The following CLCN1 variants were observed in gnomAD, a reference collection of about 807,000 sequenced individuals.
CLCN1 encodes the protein chloride voltage-gated channel 1.
CLCN1 carries 100 observed loss-of-function variants against 114.5 expected under a neutral mutation model. The ratio of observed to expected loss-of-function variants is 0.87; its 90% CI spans 0.74 to 1.03. The LOEUF (loss-of-function observed/expected upper bound fraction) is 1.03, where lower values mean the gene tolerates loss of function less well. CLCN1 is among the 50% of genes least tolerant of loss of function. CLCN1 has a pLI of 0.00. For missense variants in CLCN1, 1,188 were observed against 1,250.0 expected (o/e 0.95, Z 0.75); for synonymous variants, 485 against 487.1 (o/e 1.00, Z 0.06).
intron 12 of CLCN1, among the ~76,000 whole-genome samples, chr7:143,333,492 T>G (rs897441029): frequency 1.3e-5 from 2 of 152,200 alleles, no homozygotes; most frequent in African/African-American, 2.4e-5. Flanking sequence ...TTAAGCATTA[T>G]AAATAACTGT....
chr7:143,337,205 C>T (rs114661640), intron 12 of CLCN1, among the ~76,000 whole-genome samples: 92 of 152,192 alleles, frequency 6.0e-4, no homozygotes, highest in African/African-American at 2.2e-3. Flanking sequence ...TTTGTTCAGC[C>T]CATCTTCGTT....
chr7:143,343,750 TTC>T (rs1293322116), intron 16 of CLCN1, among the ~76,000 whole-genome samples: 2 of 150,656 alleles, frequency 1.3e-5, no homozygotes, highest in South Asian at 2.1e-4. Context: ...TTCTTTCTCT[TTC>T]TCTCTCTCTC....
rs530633563 is a variant in CLCN1, at chr7:143,349,766, C to A, written c.2404-606C>A. Among the ~76,000 whole-genome samples the A allele has an allele frequency of 4.1e-3, 623 of 152,270 alleles. 6 individuals are homozygous for A. The highest frequency in any genetic ancestry group is 6.2e-3 in the Non-Finnish European group (422 of 68,002). ...TCTTCACAATATACAGCAGCCGATA[C>A]CACATAACACTCAAGACAAATGCAG... On this transcript the variant is annotated intron_variant, in intron 20 of 22. Coordinates refer to ENST00000343257, the MANE Select transcript of CLCN1 (RefSeq NM_000083.3).
rs1803201656 is a variant in CLCN1, at chr7:143,345,416, C to G, written c.1931-105C>G. Reference sequence around the variant, plus strand: ...CAGGAAGCTGAGAAAGATGTGGGGACGCCGGGCAGGGTGGCGCCTCTCCTG... The same window carrying G: ...CAGGAAGCTGAGAAAGATGTGGGGAGGCCGGGCAGGGTGGCGCCTCTCCTG... On this transcript the variant is annotated intron_variant, in intron 16 of 22. Coordinates refer to ENST00000343257, the MANE Select transcript of CLCN1 (RefSeq NM_000083.3). 4 of 1,365,222 alleles carry G rather than the reference C, an allele frequency of 2.9e-6. No homozygotes were observed. The Admixed American group carries it at 8.8e-5, about 30-fold the overall frequency. 84.6% of individuals were successfully genotyped at this position (1,365,222 alleles called of 1,614,324 possible). A position where few individuals can be genotyped will look rare whatever the true frequency, so the allele number is the denominator to read the frequency against.
chr7:143,320,602 T>A, intron 2 of CLCN1, 62 bp from the exon 3 acceptor site: 1 of 1,391,822 alleles, frequency 7.2e-7, no homozygotes, highest in South Asian at 1.2e-5. Context: ...TACATATATA[T>A]ATTTTTGTTT....
chr7:143,335,826 A>T (rs1207377728), intron 12 of CLCN1, among the ~76,000 whole-genome samples: 2 of 151,662 alleles, frequency 1.3e-5, no homozygotes, highest in South Asian at 2.1e-4. Context: ...CGCCCAGCTA[A>T]TTTTTTTGTA....
Position 143,321,088 on chromosome 7 carries a change from C to T in CLCN1, c.434-277C>T, listed in dbSNP as rs1430282165. On this transcript the variant is annotated intron_variant, in intron 3 of 22. Coordinates refer to ENST00000343257, the MANE Select transcript of CLCN1 (RefSeq NM_000083.3). This position sits in a 1 kb window ranked among gnomAD's most constrained non-coding sequence, Gnocchi z 4.2. ...AGTTTCAGCACTGAACATCCCGAAT[C>T]CCAGGAAGCCCCTTGGTTCTGGGCA... Among the ~76,000 whole-genome samples, 1 of 152,174 alleles carries T rather than the reference C, an allele frequency of 6.6e-6. No homozygotes were observed. The highest frequency in any genetic ancestry group is 1.5e-5 in the Non-Finnish European group (1 of 68,032).
chr7:143,348,114 C>T (rs186773847), intron 20 of CLCN1, among the ~76,000 whole-genome samples: 140 of 152,258 alleles, frequency 9.2e-4, no homozygotes, highest in African/African-American at 3.2e-3. Flanking sequence ...TAAATATGTG[C>T]TGACAATGAA....
chr7:143,329,667 C>T (rs1025327457), intron 7 of CLCN1, among the ~76,000 whole-genome samples: 4 of 152,164 alleles, frequency 2.6e-5, no homozygotes, highest in African/African-American at 9.7e-5. Context: ...ACCCTGTTCA[C>T]ATGGAGAGAA....
At chr7:143,322,196 T>C (rs1802458794) in intron 5 of CLCN1, among the ~76,000 whole-genome samples, 1 of 152,210 alleles carries the variant, frequency 6.6e-6, no homozygotes, top group African/African-American at 2.4e-5. Context: ...CGCCCAGTTG[T>C]GACACCAGCA....
Position 143,351,602 on chromosome 7 carries a change from G to A in CLCN1, c.2604G>A (p.Lys868=), listed in dbSNP as rs772957130. ...RGVLALEELQ[K]AIEGHTKSGV... ...TTCCCACTGCTCTTCAGCTACAGAA[G>A]GCCATTGAGGGGCACACCAAGTCTG... Residue 868 remains lysine, a synonymous_variant, in exon 23 of 23, where the codon AAG becomes AAA. Coordinates refer to ENST00000343257, the MANE Select transcript of CLCN1 (RefSeq NM_000083.3). The A allele has an allele frequency of 6.2e-7, 1 of 1,614,022 alleles. No individual in the cohort carries two copies. The highest frequency in any genetic ancestry group is 2.2e-5 in the East Asian group (1 of 44,876).
intron 7 of CLCN1, among the ~76,000 whole-genome samples, chr7:143,325,142 G>A (rs143689786): frequency 6.6e-6 from 1 of 152,260 alleles, no homozygotes; most frequent in African/African-American, 2.4e-5. Flanking sequence ...GAAAGCAGTC[G>A]TATCTGTTTA....
rs1414592280 is a variant in CLCN1, at chr7:143,339,396, C to T, written c.1471+74C>T. ...GATACAGGAAACATAAGGAAAGGCCCGGGATGCTGGGAGTTTATATTTGTT... is the reference window on the plus strand; with the variant it reads ...GATACAGGAAACATAAGGAAAGGCCTGGGATGCTGGGAGTTTATATTTGTT... On this transcript the variant is annotated intron_variant, in intron 13 of 22. Transcript: ENST00000343257. The surrounding 1 kb of genome is among the most constrained non-coding windows in gnomAD (Gnocchi z 4.1). The T allele has an allele frequency of 8.6e-6, 12 of 1,394,508 alleles. No homozygotes were observed. The highest frequency in any genetic ancestry group is 4.3e-5 in the African/African-American group (3 of 70,458). 86.4% of individuals were successfully genotyped at this position (1,394,508 alleles called of 1,614,324 possible). A position where few individuals can be genotyped will look rare whatever the true frequency, so the allele number is the denominator to read the frequency against.
chr7:143,331,101 G>A (rs1002979390), intron 8 of CLCN1, 131 bp from the exon 9 acceptor site: 16 of 1,051,040 alleles, frequency 1.5e-5, no homozygotes, highest in Middle Eastern at 2.0e-4. Context: ...GTAGAAAAAA[G>A]GAAAATACAT....
rs1389819103 is a variant in CLCN1 at position 143,339,692 on chromosome 7, T to C, written c.1582+71T>C. The C allele has an allele frequency of 4.2e-6, 4 of 947,536 alleles. No homozygotes were observed. Among genetic ancestry groups the C allele is most frequent in the Non-Finnish European group, 3.5e-6 (2 of 575,486 alleles). The allele number at this position is 947,536 out of a possible 1,614,324, so 58.7% of individuals were successfully genotyped here. On this transcript the variant is annotated intron_variant, in intron 14 of 22. Transcript: ENST00000343257. The surrounding 1 kb of genome is among the most constrained non-coding windows in gnomAD (Gnocchi z 4.1). ...AGATCCCCACACTTAAACTCTCCCA[T>C]TGGATCTTCATTCTAGGCTACACAA...
At chr7:143,328,442 T>C (rs1386622905) in intron 7 of CLCN1, among the ~76,000 whole-genome samples, 1 of 152,176 alleles carries the variant, frequency 6.6e-6, no homozygotes, top group Non-Finnish European at 1.5e-5. Flanking sequence ...ATGCTTTGTT[T>C]CCTCTTAGCT....
chr7:143,320,565 C>G, intron 2 of CLCN1, 99 bp from the exon 3 acceptor site: 175 of 730,990 alleles, frequency 2.4e-4, no homozygotes, highest in East Asian at 4.8e-4. Context: ...CTCTCTCTCT[C>G]TCTCTCTCTC....
chr7:143,319,241 A>G (rs1802365571), intron 1 of CLCN1, among the ~76,000 whole-genome samples: 7 of 152,308 alleles, frequency 4.6e-5, no homozygotes, highest in Middle Eastern at 3.4e-3. Context: ...TTGAAGCTTG[A>G]TAGAGGACCT....
At chr7:143,319,150 G>T (rs1252104600) in intron 1 of CLCN1, among the ~76,000 whole-genome samples, 1 of 152,196 alleles carries the variant, frequency 6.6e-6, no homozygotes, top group East Asian at 1.9e-4. Flanking sequence ...TTATCTAGCT[G>T]TGGGAAGAAG....
Sources: gnomAD v4.1 joint callset for allele counts (sites outside exome capture counted in the v4.1 genomes callset) on GRCh38, gnomAD v4.1.1 for gene constraint, Gnocchi (gnomAD v3.1) non-coding constraint, MANE v1.5 for transcripts, NCBI Gene and HGNC (gene_info 2026-07-23, HGNC 2026-07-21) for gene names.